Variants in ENTPD3 observed in about 807,000 individuals in gnomAD.
ENTPD3 encodes CD39 antigen-like 3.
Under a neutral mutation model 51.2 loss-of-function variants are expected in ENTPD3, and 60 were observed. The ratio of observed to expected loss-of-function variants is 1.17; its 90% CI spans 0.95 to 1.45. The LOEUF is 1.45. Ranked by LOEUF, ENTPD3 falls within the 40% of genes most tolerant of loss-of-function variation. ENTPD3 has a pLI of 0.00. For synonymous variants in ENTPD3, 221 were observed against 238.4 expected, an observed-to-expected ratio of 0.93 and a Z score of 0.67; for missense variants, 593 against 641.1, an observed-to-expected ratio of 0.93 and a Z score of 0.81.
chr3:40,427,192 T>C (rs867050705), intron 10 of ENTPD3, 80 bp from the exon 11 acceptor site: 5 of 1,159,696 alleles, frequency 4.3e-6, no homozygotes, highest in South Asian at 1.3e-5. Context: ...CTTTGTGAGG[T>C]TGATAGCAGT....
intron 4 of ENTPD3, among the ~76,000 whole-genome samples, chr3:40,408,572 T>C (rs1346252246): frequency 1.3e-5 from 2 of 152,232 alleles, no homozygotes; most frequent in African/African-American, 4.8e-5. Context: ...GTTGGCTTTA[T>C]TGGCATTTTG....
chr3:40,423,063 G>T lies in ENTPD3; in HGVS notation c.1045G>T (p.Asp349Tyr), dbSNP rs867124613. Reference sequence around the variant, plus strand: ...CATATTTGACTTCAAAGCTTGCCATGATCAAGAAACCTGTTCTTTTGATGG... The same window carrying T: ...CATATTTGACTTCAAAGCTTGCCATTATCAAGAAACCTGTTCTTTTGATGG... Reference protein sequence around the residue: ...ASIFDFKACHDQETCSFDGVY... With the variant: ...ASIFDFKACHYQETCSFDGVY... The change falls in exon 8 of 11, where the codon GAT (aspartate) becomes TAT (tyrosine). Residue 349 changes from aspartate to tyrosine, a missense_variant. Physicochemically the swap from Asp to Tyr is radical, Grantham distance 160. Coordinates refer to ENST00000301825, the MANE Select transcript of ENTPD3 (RefSeq NM_001248.4). 5 of 1,613,988 alleles carry T rather than the reference G, an allele frequency of 3.1e-6. No individual in the cohort carries two copies. In the East Asian group the frequency reaches 1.1e-4, roughly 36 times the overall value.
chr3:40,411,721 T>C, intron 4 of ENTPD3, 91 bp from the exon 5 acceptor site: 1 of 1,407,732 alleles, frequency 7.1e-7, no homozygotes, highest in Non-Finnish European at 9.5e-7. Context: ...ACCCCAATAA[T>C]TTTCAAAGCC....
At chr3:40,406,310 C>A (rs1031949085) in intron 4 of ENTPD3, among the ~76,000 whole-genome samples, 2 of 152,068 alleles carry the variant, frequency 1.3e-5, no homozygotes, top group African/African-American at 4.8e-5. Flanking sequence ...AGCCAAGGGG[C>A]CAGTGTGGCT....
At chr3:40,402,002 T>C (rs1462608558) in intron 4 of ENTPD3, among the ~76,000 whole-genome samples, 3 of 151,976 alleles carry the variant, frequency 2.0e-5, no homozygotes, top group African/African-American at 7.2e-5. Flanking sequence ...TGTATTTATA[T>C]AAATGGAATC....
rs567314274 is a variant in ENTPD3, at chr3:40,406,511, T to C, written c.287-5301T>C. ...TTTTTAACGGATCACTCAGTTGATATAGAACACGTAGTCAGGGGCTAAGAT... is the reference window on the plus strand; with the variant it reads ...TTTTTAACGGATCACTCAGTTGATACAGAACACGTAGTCAGGGGCTAAGAT... On this transcript the variant is annotated intron_variant, in intron 4 of 10. Coordinates refer to ENST00000301825, the MANE Select transcript of ENTPD3 (RefSeq NM_001248.4). 5.3e-5 allele frequency among the ~76,000 whole-genome samples: 8 copies of C among 152,346 alleles called. No individual in the cohort carries two copies. In the South Asian group the frequency reaches 1.2e-3, roughly 24 times the overall value.
chr3:40,411,497 T>G (rs1391284274), intron 4 of ENTPD3, among the ~76,000 whole-genome samples: 1 of 152,142 alleles, frequency 6.6e-6, no homozygotes, highest in Non-Finnish European at 1.5e-5. Flanking sequence ...AGTCGATCAT[T>G]GTTGAAGCTG....
intron 4 of ENTPD3, among the ~76,000 whole-genome samples, chr3:40,401,713 T>A (rs1052375139): frequency 6.6e-6 from 1 of 152,234 alleles, no homozygotes; most frequent in Non-Finnish European, 1.5e-5. Flanking sequence ...TCTCATATCA[T>A]GAAATGTAAT....
At chr3:40,408,264 T>G (rs1228024876) in intron 4 of ENTPD3, among the ~76,000 whole-genome samples, 2 of 152,166 alleles carry the variant, frequency 1.3e-5, no homozygotes, top group Non-Finnish European at 2.9e-5. Flanking sequence ...TAAGAACTTT[T>G]TTAGGAGTGA....
At chr3:40,397,971 C>G (rs978804231) in intron 3 of ENTPD3, among the ~76,000 whole-genome samples, 1 of 152,164 alleles carries the variant, frequency 6.6e-6, no homozygotes. Flanking sequence ...CCCCTCTCCC[C>G]CAAAAGAATC....
chr3:40,422,266 A>AGG (rs1955891281), intron 7 of ENTPD3, among the ~76,000 whole-genome samples: 2 of 150,666 alleles, frequency 1.3e-5, no homozygotes, highest in Admixed American at 1.3e-4. Context: ...GTAGTGATAG[A>AGG]ATTTGCAAAA....
At chr3:40,392,209 A>G (rs1955074544) in intron 3 of ENTPD3, 59 bp downstream of exon 3, 1 of 1,583,164 alleles carries the variant, frequency 6.3e-7, no homozygotes, top group Non-Finnish European at 8.6e-7. Flanking sequence ...GAAGAAATCA[A>G]TTATTCCAAA....
intron 4 of ENTPD3, among the ~76,000 whole-genome samples, chr3:40,406,505 T>C (rs1376260545): frequency 6.6e-6 from 1 of 152,188 alleles, no homozygotes; most frequent in African/African-American, 2.4e-5. Flanking sequence ...GATCACTCAG[T>C]TGATATAGAA....
chr3:40,406,780 A>G (rs947774533), intron 4 of ENTPD3, among the ~76,000 whole-genome samples: 2 of 152,266 alleles, frequency 1.3e-5, no homozygotes, highest in Admixed American at 6.5e-5. Context: ...TTTTCCTAGA[A>G]AATGCTGAGC....
intron 4 of ENTPD3, 118 bp from the exon 5 acceptor site, chr3:40,411,694 T>C (rs1273934922): frequency 1.5e-5 from 15 of 1,033,872 alleles, no homozygotes; most frequent in Non-Finnish European, 2.1e-5. Context: ...ATCCAGCTGT[T>C]TTCGACCCCC....
intron 4 of ENTPD3, among the ~76,000 whole-genome samples, chr3:40,408,773 T>C (rs1409394733): frequency 4.6e-5 from 7 of 152,158 alleles, no homozygotes; most frequent in African/African-American, 1.7e-4. Flanking sequence ...GGTGTGCACC[T>C]ATATTCCCAG....
rs753722922 is a variant in ENTPD3, at chr3:40,427,345, C to T, written c.1427C>T (p.Pro476Leu). ...ACCAACCAGATCCCAGCTGAAAGCCCTCTGATCCGTCTGCCCATAGAACCA... is the reference window on the plus strand; with the variant it reads ...ACCAACCAGATCCCAGCTGAAAGCCTTCTGATCCGTCTGCCCATAGAACCA... Reference protein sequence around the residue: ...SLTNQIPAESPLIRLPIEPPV... With the variant: ...SLTNQIPAESLLIRLPIEPPV... The change falls in exon 11 of 11, where the codon CCT (proline) becomes CTT (leucine). Residue 476 changes from proline to leucine, a missense_variant. Physicochemically the swap from Pro to Leu is moderately conservative, Grantham distance 98. Coordinates refer to ENST00000301825, the MANE Select transcript of ENTPD3 (RefSeq NM_001248.4). The T allele has an allele frequency of 6.2e-7, 1 of 1,614,046 alleles. No homozygotes were observed. The highest frequency in any genetic ancestry group is 8.5e-7 in the Non-Finnish European group (1 of 1,180,036).
At chr3:40,400,706 C>T (rs1209797707) in intron 3 of ENTPD3, among the ~76,000 whole-genome samples, 188 bp from the exon 4 acceptor site, 2 of 152,092 alleles carry the variant, frequency 1.3e-5, no homozygotes, top group African/African-American at 4.8e-5. Context: ...CCTACCTTTC[C>T]TCATTCCCTT....
chr3:40,400,853 AG>A, intron 3 of ENTPD3, 40 bp from the exon 4 acceptor site: 1 of 1,500,204 alleles, frequency 6.7e-7, no homozygotes, highest in Non-Finnish European at 9.3e-7. Flanking sequence ...TCCTCAGAGG[AG>A]TCCCGCCCAT....
Sources: gnomAD v4.1 joint callset for allele counts (sites outside exome capture counted in the v4.1 genomes callset) on GRCh38, gnomAD v4.1.1 for gene constraint, MANE v1.5 for transcripts, NCBI Gene and HGNC (gene_info 2026-07-23, HGNC 2026-07-21) for gene names.